Variants in ACOXL observed in about 807,000 individuals in gnomAD.
ACOXL encodes the protein acyl-coenzyme A oxidase-like protein.
In ACOXL, 70 loss-of-function variants were observed where a neutral mutation model predicts 71.9. The observed-to-expected ratio is 0.97, with a 90% CI of 0.80 to 1.19. The LOEUF (loss-of-function observed/expected upper bound fraction) is 1.19, where lower values mean the gene tolerates loss of function less well. Among genes scored for constraint, ACOXL ranks in the 50% most tolerant of loss-of-function variants. The pLI is 0.00. For synonymous variants in ACOXL, 253 were observed against 281.6 expected (o/e 0.90, Z 1.02); for missense variants, 703 against 736.3 (o/e 0.95, Z 0.52).
chr2:110,972,653 A>ACACACACACACACACACGTG (rs1218638994), intron 12 of ACOXL, among the ~76,000 whole-genome samples: 12 of 39,846 alleles, frequency 3.0e-4, no homozygotes, highest in African/African-American at 1.1e-3. Context: ...ACACGTGCAC[A>ACACACACACACACACACGTG]CACACACACA....
chr2:110,849,571 A>C (rs1459160733), intron 10 of ACOXL, among the ~76,000 whole-genome samples: 1 of 152,232 alleles, frequency 6.6e-6, no homozygotes. Flanking sequence ...CAGCCTGGCC[A>C]ACATGGTGAA....
chr2:111,067,695 A>T (rs989465991), intron 16 of ACOXL, among the ~76,000 whole-genome samples: 3 of 152,238 alleles, frequency 2.0e-5, no homozygotes, highest in Non-Finnish European at 4.4e-5. Context: ...AGGAAAATAT[A>T]AGTTGCTGGA....
intron 10 of ACOXL, among the ~76,000 whole-genome samples, chr2:110,888,588 A>G (rs1697594582): frequency 6.6e-6 from 1 of 152,198 alleles, no homozygotes. Flanking sequence ...CTCATAGGAT[A>G]CTGCACGAAT....
At chr2:111,023,089 G>A (rs1306770401) in intron 14 of ACOXL, among the ~76,000 whole-genome samples, 1 of 152,180 alleles carries the variant, frequency 6.6e-6, no homozygotes, top group African/African-American at 2.4e-5. Context: ...TCATGTGAGA[G>A]GGGCAGCACC....
chr2:110,841,392 C>T lies in ACOXL; in HGVS notation c.775C>T (p.Arg259Cys), dbSNP rs544359044. The change falls in exon 10 of 18, where the codon CGC becomes TGC. Residue 259 changes from arginine to cysteine, a missense_variant. By Grantham distance (180) the Arg-to-Cys change is radical (BLOSUM62 -3). Coordinates refer to ENST00000439055, the MANE Select transcript of ACOXL (RefSeq NM_001142807.4). ...ACAGCTTGGGTTGACGATAGCCATT[C>T]GCTATAGCCACAGGTAAATGTTTAC... is the stretch of plus-strand genomic sequence containing the variant. ...AMKLGLTIAIRYSHSRRQFGP... is the reference protein window; with the variant it reads ...AMKLGLTIAICYSHSRRQFGP... The T allele has an allele frequency of 4.1e-5, 66 of 1,609,488 alleles. No individual in the cohort carries two copies. In the East Asian group the frequency reaches 8.7e-4, roughly 21 times the overall value.
Position 111,035,941 on chromosome 2 carries a change from C to T in ACOXL, c.1369+4227C>T, listed in dbSNP as rs900946538. 5.3e-5 allele frequency among the ~76,000 whole-genome samples: 8 copies of T among 152,324 alleles called. No individual in the cohort carries two copies. In the East Asian group the frequency reaches 5.8e-4, roughly 11 times the overall value. On this transcript the variant is annotated intron_variant, in intron 15 of 17. Transcript: ENST00000439055. ...TTGACATTCATCCTCTAGGAAATTA[C>T]GGGAATATCCCTACCGCCTCCTCAA...
At chr2:111,070,311 A>G (rs2067280718) in intron 16 of ACOXL, among the ~76,000 whole-genome samples, 1 of 152,208 alleles carries the variant, frequency 6.6e-6, no homozygotes, top group African/African-American at 2.4e-5. Flanking sequence ...ACACCATGGT[A>G]TACTGTACAG....
At chr2:110,951,574 C>T (rs1426368524) in intron 12 of ACOXL, among the ~76,000 whole-genome samples, 1 of 152,104 alleles carries the variant, frequency 6.6e-6, no homozygotes, top group Non-Finnish European at 1.5e-5. Context: ...GGATATTATT[C>T]GGTGTGGGAC....
At chr2:111,015,364 T>G (rs2064377035) in intron 14 of ACOXL, among the ~76,000 whole-genome samples, 1 of 152,244 alleles carries the variant, frequency 6.6e-6, no homozygotes, top group South Asian at 2.1e-4. Flanking sequence ...CACATGCAAC[T>G]TTGCCTAATT....
chr2:110,768,440 GTTAAA>G lies in ACOXL; in HGVS notation c.52_56del (p.Leu18ThrfsTer53), dbSNP rs753219387. ...TGAAGTTTGCCATGGACCTGCCTCT[GTTAAA>G]ACGTGCAGGTCAGGATCTGGTAAGT... On this transcript the variant is annotated frameshift_variant, in exon 2 of 18. Coordinates refer to ENST00000439055, the MANE Select transcript of ACOXL (RefSeq NM_001142807.4). LOFTEE classifies it high-confidence loss of function. 19 of 1,613,674 alleles carry G rather than the reference GTTAAA, an allele frequency of 1.2e-5. No homozygotes were observed. The highest frequency in any genetic ancestry group is 1.5e-5 in the Non-Finnish European group (18 of 1,179,960).
At chr2:111,006,758 C>A (rs1487396915) in intron 14 of ACOXL, among the ~76,000 whole-genome samples, 2 of 151,954 alleles carry the variant, frequency 1.3e-5, no homozygotes, top group African/African-American at 4.8e-5. Flanking sequence ...GGGATTTCGC[C>A]ATGTTGATCA....
At chr2:111,097,702 C>T (rs959429933) in intron 17 of ACOXL, among the ~76,000 whole-genome samples, 9 of 152,196 alleles carry the variant, frequency 5.9e-5, no homozygotes, top group African/African-American at 2.2e-4. Context: ...AGAGCTCCTT[C>T]CCAGTGACCA....
At chr2:110,906,519 CAG>C (rs1251393702) in intron 10 of ACOXL, among the ~76,000 whole-genome samples, 1 of 117,844 alleles carries the variant, frequency 8.5e-6, no homozygotes, top group Non-Finnish European at 1.6e-5. Flanking sequence ...GCCTGGACGA[CAG>C]AGCAAGACTC....
chr2:110,869,518 C>T (rs72944211), intron 10 of ACOXL, among the ~76,000 whole-genome samples: 2,759 of 152,292 alleles, frequency 0.018, 98 homozygotes, highest in African/African-American at 0.063. Flanking sequence ...GTATTCTCTC[C>T]TGCTCCCAGG....
At chr2:111,057,499 C>A (rs891390971) in intron 16 of ACOXL, among the ~76,000 whole-genome samples, 2 of 152,132 alleles carry the variant, frequency 1.3e-5, no homozygotes, top group African/African-American at 4.8e-5. Context: ...GCAGCAGAAG[C>A]CATCAACAGC....
At chr2:110,768,910 T>A (rs1192869303) in intron 2 of ACOXL, among the ~76,000 whole-genome samples, 1 of 152,096 alleles carries the variant, frequency 6.6e-6, no homozygotes, top group East Asian at 1.9e-4. Flanking sequence ...CAGACAGGTC[T>A]CGGTGGAGGA....
At chr2:111,093,654 C>T (rs917332624) in intron 17 of ACOXL, 7 of 960,568 alleles carry the variant, frequency 7.3e-6, no homozygotes, top group East Asian at 2.8e-5. Flanking sequence ...CTCCTGAGCT[C>T]AGGAGTTCGA....
intron 16 of ACOXL, among the ~76,000 whole-genome samples, chr2:111,060,855 C>A (rs935792923): frequency 2.6e-5 from 4 of 151,948 alleles, no homozygotes; most frequent in Admixed American, 6.6e-5. Flanking sequence ...AATGTTAGAA[C>A]TGAAAAATAT....
intron 16 of ACOXL, among the ~76,000 whole-genome samples, chr2:111,067,798 C>G (rs1260078805): frequency 6.6e-6 from 1 of 152,166 alleles, no homozygotes; most frequent in Non-Finnish European, 1.5e-5. Context: ...ATTTATTGAG[C>G]CTCTGTTATA....
Sources: allele counts gnomAD v4.1 joint callset (sites outside exome capture counted in the v4.1 genomes callset), GRCh38; gene constraint gnomAD v4.1.1; transcripts MANE v1.5; gene names NCBI Gene and HGNC (gene_info 2026-07-23, HGNC 2026-07-21).